Variants in FTCDNL1 observed in about 807,000 individuals in gnomAD.
The protein encoded by FTCDNL1 is formiminotransferase N-terminal subdomain-containing protein.
FTCDNL1 carries 11 observed loss-of-function variants against 5.9 expected under a neutral mutation model. The ratio of observed to expected loss-of-function variants is 1.87; its 90% confidence interval spans 1.18 to 3.10. FTCDNL1 has a LOEUF of 3.10. Among genes scored for constraint, FTCDNL1 ranks in the 30% most tolerant of loss-of-function variants. The pLI, the probability that FTCDNL1 is intolerant of heterozygous loss-of-function variation, is 0.00. For synonymous variants in FTCDNL1, 58 were observed against 24.8 expected, an observed-to-expected ratio of 2.34 and a Z score of -3.99; for missense variants, 115 against 65.5, an observed-to-expected ratio of 1.76 and a Z score of -2.61.
At chr2:199,692,754 A>G in the FTCDNL1 span, among the ~76,000 whole-genome samples, 1 of 150,192 alleles carries the variant, frequency 6.7e-6, no homozygotes, top group Non-Finnish European at 1.5e-5. Flanking sequence ...TGTGGCAAGC[A>G]AGAGAATAAA....
chr2:199,700,638 C>T, the FTCDNL1 span, among the ~76,000 whole-genome samples: 1 of 152,294 alleles, frequency 6.6e-6, no homozygotes, highest in Non-Finnish European at 1.5e-5. Flanking sequence ...TATTCAACTT[C>T]AACCTATACA....
At chr2:199,834,563 C>A (rs565586330) in intron 3 of FTCDNL1, among the ~76,000 whole-genome samples, 5 of 152,102 alleles carry the variant, frequency 3.3e-5, no homozygotes, top group Admixed American at 6.5e-5. Context: ...CTTGGCTGCC[C>A]GGTACTGCCT....
the FTCDNL1 span, among the ~76,000 whole-genome samples, chr2:199,733,577 C>G: frequency 1.3e-5 from 2 of 152,116 alleles, no homozygotes; most frequent in African/African-American, 4.8e-5. Context: ...TCTAGGAAAG[C>G]AGGAAGAGAG....
the FTCDNL1 span, among the ~76,000 whole-genome samples, chr2:199,702,972 C>T: frequency 6.6e-6 from 1 of 151,998 alleles, no homozygotes; most frequent in East Asian, 1.9e-4. Context: ...GGAAAGAAGC[C>T]AGATTATGTA....
chr2:199,688,271 T>G, the FTCDNL1 span, among the ~76,000 whole-genome samples: 4 of 147,956 alleles, frequency 2.7e-5, no homozygotes, highest in Non-Finnish European at 6.0e-5. Context: ...AAAAATAAAT[T>G]AAAAATAAAA....
chr2:199,792,653 G>A (rs769893924), intron 3 of FTCDNL1, among the ~76,000 whole-genome samples: 4 of 151,958 alleles, frequency 2.6e-5, no homozygotes, highest in East Asian at 1.9e-4. Context: ...CACCCGTCTC[G>A]CTAATCTGTG....
chr2:199,792,900 G>A (rs889069938), intron 3 of FTCDNL1, among the ~76,000 whole-genome samples: 1 of 151,830 alleles, frequency 6.6e-6, no homozygotes, highest in Admixed American at 6.6e-5. Context: ...CATCAATACT[G>A]GTTAAATTAA....
At chr2:199,680,844 C>A in the FTCDNL1 span, among the ~76,000 whole-genome samples, 1 of 152,302 alleles carries the variant, frequency 6.6e-6, no homozygotes, top group East Asian at 1.9e-4. Flanking sequence ...CTCCTTGCTA[C>A]ACAATGTTCC....
rs531090867 is a variant in FTCDNL1 at position 199,818,899 on chromosome 2, G to C, written c.397+673C>G. 7 of 152,310 alleles carry C rather than the reference G, an allele frequency of 4.6e-5. No individual in the cohort carries two copies. In the South Asian group the frequency reaches 1.4e-3, roughly 32 times the overall value. The allele number at this position is 152,310 out of a possible 1,614,324, so 9.4% of individuals were successfully genotyped here. ...ATTAAGACTCAAATAAGTGACACTA[G>C]GATGGTGGAAGTACAGACAACAGAG... On this transcript the variant is annotated intron_variant, in intron 4 of 4. Coordinates refer to ENST00000420128, the MANE Select transcript of FTCDNL1 (RefSeq NM_001363886.2).
At chr2:199,832,197 T>G (rs1176828285) in intron 3 of FTCDNL1, among the ~76,000 whole-genome samples, 2 of 152,202 alleles carry the variant, frequency 1.3e-5, no homozygotes, top group African/African-American at 2.4e-5. Context: ...TACCACTTTG[T>G]GCAGATGTGA....
the FTCDNL1 span, among the ~76,000 whole-genome samples, chr2:199,707,838 A>G: frequency 6.6e-6 from 1 of 151,918 alleles, no homozygotes; most frequent in Non-Finnish European, 1.5e-5. Flanking sequence ...TCTATACACA[A>G]TGCACTATTT....
intron 3 of FTCDNL1, among the ~76,000 whole-genome samples, chr2:199,822,952 G>C (rs1379062930): frequency 6.6e-6 from 1 of 152,198 alleles, no homozygotes; most frequent in Admixed American, 6.5e-5. Flanking sequence ...CCAGGTTCAA[G>C]TGATTCTCAT....
the FTCDNL1 span, among the ~76,000 whole-genome samples, chr2:199,672,462 T>G: frequency 6.6e-6 from 1 of 152,216 alleles, no homozygotes; most frequent in Non-Finnish European, 1.5e-5. Context: ...TATGGCTGTA[T>G]AGCAAATCAC....
At chr2:199,774,578 C>G (rs1287982703) in intron 3 of FTCDNL1, among the ~76,000 whole-genome samples, 1 of 152,106 alleles carries the variant, frequency 6.6e-6, no homozygotes, top group East Asian at 1.9e-4. Context: ...TGAACATTTA[C>G]CAGCTCAGAG....
chr2:199,850,379 T>A (rs1470792722), intron 1 of FTCDNL1, among the ~76,000 whole-genome samples: 1 of 152,246 alleles, frequency 6.6e-6, no homozygotes, highest in Non-Finnish European at 1.5e-5. Context: ...ATAATTATGC[T>A]TTTTAACAAA....
At chr2:199,786,251 G>GTATATATATATATA (rs139819752) in intron 3 of FTCDNL1, among the ~76,000 whole-genome samples, 1 of 146,536 alleles carries the variant, frequency 6.8e-6, no homozygotes, top group African/African-American at 2.5e-5. Flanking sequence ...CTCCAGCCCT[G>GTATATATATATATA]TATATATATA....
the FTCDNL1 span, among the ~76,000 whole-genome samples, chr2:199,730,580 CAT>C: frequency 1.5e-3 from 222 of 152,182 alleles, 1 homozygote; most frequent in African/African-American, 4.5e-3. Flanking sequence ...AGCCAACAAA[CAT>C]GTGAAAAAAA....
chr2:199,774,099 T>G (rs540865635), intron 3 of FTCDNL1, among the ~76,000 whole-genome samples: 1 of 152,344 alleles, frequency 6.6e-6, no homozygotes, highest in African/African-American at 2.4e-5. Context: ...TGGGGCCTTT[T>G]GGTCCTTTTC....
At chr2:199,750,710 C>T in the FTCDNL1 span, among the ~76,000 whole-genome samples, 8 of 152,228 alleles carry the variant, frequency 5.3e-5, no homozygotes, top group African/African-American at 1.9e-4. Context: ...CCATGGATGG[C>T]TTTCCACCGG....
Sources: gnomAD v4.1 joint callset for allele counts (sites outside exome capture counted in the v4.1 genomes callset) on GRCh38, gnomAD v4.1.1 for gene constraint, MANE v1.5 for transcripts, NCBI Gene and HGNC (gene_info 2026-07-23, HGNC 2026-07-21) for gene names.